Variants in FBXW10 observed in about 807,000 individuals in gnomAD.
FBXW10 encodes the protein F-box/WD repeat-containing protein 10.
FBXW10 carries 68 observed loss-of-function variants against 113.1 expected under a neutral mutation model. The ratio of observed to expected loss-of-function variants is 0.60; its 90% CI spans 0.49 to 0.74. FBXW10 has a LOEUF of 0.74. Among genes scored for constraint, FBXW10 ranks in the 30% least tolerant of loss-of-function variants. The pLI is 0.00. For synonymous variants in FBXW10, 289 were observed against 481.6 expected (o/e 0.60, Z 5.24); for missense variants, 753 against 1,284.5 (o/e 0.59, Z 6.32).
At chr17:18,777,612 T>C (rs2035726715) in intron 13 of FBXW10, among the ~76,000 whole-genome samples, 2 of 151,612 alleles carry the variant, frequency 1.3e-5, no homozygotes, top group South Asian at 2.1e-4. Flanking sequence ...GGCGCGATCT[T>C]GGCTTACTGC....
intron 7 of FBXW10, among the ~76,000 whole-genome samples, chr17:18,763,815 G>C (rs1228706498): frequency 1.3e-5 from 2 of 151,302 alleles, no homozygotes; most frequent in Non-Finnish European, 3.0e-5. Flanking sequence ...CTGTACCGTG[G>C]AATCAGTGCC....
Position 18,778,633 on chromosome 17 carries a change from G to T in FBXW10, c.2494G>T (p.Ala832Ser), listed in dbSNP as rs1383878895. ...GCACGCCCATAATTCCGGGGAATTT[G>T]CCTATCCCTGTAGGCCCCAAACAGA... ...LQHAHNSGEFAYPCRPQTEIT... is the reference protein window; with the variant it reads ...LQHAHNSGEFSYPCRPQTEIT... Residue 832 changes from alanine to serine, a missense_variant, in exon 14 of 14, where the codon GCC becomes TCC. Ala to Ser is a moderately conservative substitution (Grantham distance 99, BLOSUM62 1). Coordinates refer to ENST00000395665, the MANE Select transcript of FBXW10 (RefSeq NM_001267585.2). The T allele has an allele frequency of 6.2e-7, 1 of 1,613,830 alleles. No individual in the cohort carries two copies. The highest frequency in any genetic ancestry group is 8.5e-7 in the Non-Finnish European group (1 of 1,179,848).
intron 12 of FBXW10, among the ~76,000 whole-genome samples, chr17:18,773,620 A>G (rs1225046885): frequency 6.6e-6 from 1 of 152,190 alleles, no homozygotes; most frequent in African/African-American, 2.4e-5. Flanking sequence ...TATATTTGGC[A>G]TGTGAAATTG....
intron 13 of FBXW10, among the ~76,000 whole-genome samples, chr17:18,776,046 C>T (rs140625978): frequency 6.2e-4 from 94 of 151,018 alleles, no homozygotes; most frequent in African/African-American, 1.8e-3. Context: ...TGGCCGGGCG[C>T]GGTGGCTCAC....
chr17:18,744,525 T>C lies in FBXW10; in HGVS notation c.281T>C (p.Leu94Pro). Residue 94 changes from leucine to proline, a missense_variant, in exon 1 of 14, where the codon CTC becomes CCC. Physicochemically the swap from Leu to Pro is moderately conservative, Grantham distance 98. Transcript: ENST00000395665. Reference sequence around the variant, plus strand: ...ATCTATAACAGGTCCCGGATCAACCTCAGCAAGAAAGAGGGGAAAGTTGTG... The same window carrying C: ...ATCTATAACAGGTCCCGGATCAACCCCAGCAAGAAAGAGGGGAAAGTTGTG... ...DFIYNRSRIN[L>P]SKKEGKVVKS... is the part of the protein sequence containing the mutation. 2 of 1,613,922 alleles carry C rather than the reference T, an allele frequency of 1.2e-6. No homozygotes were observed. Among genetic ancestry groups the C allele is most frequent in the Non-Finnish European group, 1.7e-6 (2 of 1,179,874 alleles).
intron 13 of FBXW10, 74 bp downstream of exon 13, chr17:18,775,266 A>G: frequency 1.0e-6 from 1 of 965,010 alleles, no homozygotes. Context: ...TGGAAGCAAA[A>G]TCCACAGCAG....
At chr17:18,769,693 CT>C (rs770623649) in intron 10 of FBXW10, 5 of 491,086 alleles carry the variant, frequency 1.0e-5, no homozygotes, top group Non-Finnish European at 1.8e-5. Flanking sequence ...AGGAGAATCG[CT>C]TGTATCTGGT....
chr17:18,761,656 T>C (rs1051691594), intron 7 of FBXW10, among the ~76,000 whole-genome samples: 4 of 152,266 alleles, frequency 2.6e-5, no homozygotes, highest in African/African-American at 9.6e-5. Context: ...AACTAGACTT[T>C]ATTTGGGTTG....
chr17:18,751,164 G>T (rs572513399), intron 5 of FBXW10, 111 bp downstream of exon 5: 1 of 1,410,622 alleles, frequency 7.1e-7, no homozygotes, highest in Non-Finnish European at 9.7e-7. Context: ...ATCACGGCAG[G>T]TGACACTCCT....
At chr17:18,760,779 C>CA (rs71155352) in intron 7 of FBXW10, among the ~76,000 whole-genome samples, 33,817 of 134,476 alleles carry the variant, frequency 0.25, 3,459 homozygotes, top group Non-Finnish European at 0.33. Context: ...AACTCGGTCT[C>CA]AAAAAAAAAA....
rs1473672748 is a variant in FBXW10, at chr17:18,749,479, G to A, written c.671-243G>A. On this transcript the variant is annotated intron_variant, in intron 2 of 13. Transcript: ENST00000395665. ...GGAGAATGGCGTGAACCCGGGAGGC[G>A]GAGCTTGCAGTGAGCCGAGATCGCG... Among the ~76,000 whole-genome samples the A allele has an allele frequency of 4.6e-5, 7 of 152,152 alleles. No individual in the cohort carries two copies. The East Asian group carries it at 5.8e-4, about 13-fold the overall frequency.
chr17:18,757,518 A>C (rs2035289443), intron 6 of FBXW10, among the ~76,000 whole-genome samples: 1 of 152,238 alleles, frequency 6.6e-6, no homozygotes, highest in South Asian at 2.1e-4. Context: ...GTGGTGGCTC[A>C]TGCCTGTAAC....
chr17:18,749,455 G>A (rs1490530847), intron 2 of FBXW10, among the ~76,000 whole-genome samples: 2 of 152,174 alleles, frequency 1.3e-5, no homozygotes, highest in East Asian at 3.9e-4. Flanking sequence ...GCTGAGGCAG[G>A]AGAATGGCGT....
intron 4 of FBXW10, 28 bp downstream of exon 4, chr17:18,750,165 T>G: frequency 1.3e-6 from 2 of 1,585,804 alleles, no homozygotes; most frequent in Non-Finnish European, 1.7e-6. Flanking sequence ...GAAAGGGGAA[T>G]GTCTGAGACC....
At chr17:18,753,105 G>A (rs1356507031) in intron 5 of FBXW10, among the ~76,000 whole-genome samples, 1 of 152,126 alleles carries the variant, frequency 6.6e-6, no homozygotes, top group African/African-American at 2.4e-5. Context: ...TGCATTTCAA[G>A]GAAATCTCTT....
rs140472895 is a variant in FBXW10 at position 18,774,302 on chromosome 17, C to T, written c.2279-834C>T. ...GCAGGAAAACAGCTGCGCTATGTGACTCAGTTTCCAGGGTTTCACTTTTCC... is the reference window on the plus strand; with the variant it reads ...GCAGGAAAACAGCTGCGCTATGTGATTCAGTTTCCAGGGTTTCACTTTTCC... On this transcript the variant is annotated intron_variant, in intron 12 of 13. Coordinates refer to ENST00000395665, the MANE Select transcript of FBXW10 (RefSeq NM_001267585.2). Among the ~76,000 whole-genome samples the T allele has an allele frequency of 2.0e-5, 3 of 152,348 alleles. No homozygotes were observed. The East Asian group carries it at 5.8e-4, about 29-fold the overall frequency.
intron 5 of FBXW10, among the ~76,000 whole-genome samples, chr17:18,755,528 C>T (rs1368151599): frequency 1.3e-5 from 2 of 149,560 alleles, no homozygotes; most frequent in African/African-American, 5.0e-5. Context: ...TACACTCCAG[C>T]CTGGCGACAG....
chr17:18,778,866 C>T lies in FBXW10; in HGVS notation c.2727C>T (p.Pro909=), dbSNP rs765173017. ...LHSPRVQSTI[P]QPMIIRSRFS... ...GTCCTAGAGTCCAGTCCACCATACCCCAGCCCATGATTATCCGCTCCAGGT... is the reference window on the plus strand; with the variant it reads ...GTCCTAGAGTCCAGTCCACCATACCTCAGCCCATGATTATCCGCTCCAGGT... Residue 909 remains proline, a synonymous_variant, in exon 14 of 14, where the codon CCC becomes CCT. Coordinates refer to ENST00000395665, the MANE Select transcript of FBXW10 (RefSeq NM_001267585.2). 1 of 1,613,958 alleles carries T rather than the reference C, an allele frequency of 6.2e-7. No individual in the cohort carries two copies. Among genetic ancestry groups the T allele is most frequent in the Admixed American group, 1.7e-5 (1 of 60,000 alleles).
Position 18,750,012 on chromosome 17 carries a change from A to G in FBXW10, c.874A>G (p.Met292Val), listed in dbSNP as rs1312563982. ...TGGGTCCATCTTTTTTTTTCCAGGA[A>G]TGCTGGATAGACACACCCTGAACAA... ...PIHLSKYILR[M>V]LDRHTLNKCA... Residue 292 changes from methionine to valine, a missense_variant and splice_region_variant, in exon 4 of 14, where the codon ATG (methionine) becomes GTG (valine). Coordinates refer to ENST00000395665, the MANE Select transcript of FBXW10 (RefSeq NM_001267585.2). 4 of 1,613,810 alleles carry G rather than the reference A, an allele frequency of 2.5e-6. No homozygotes were observed. In the African/African-American group the frequency reaches 4.0e-5, roughly 16 times the overall value.
Sources: allele counts gnomAD v4.1 joint callset (sites outside exome capture counted in the v4.1 genomes callset), GRCh38; gene constraint gnomAD v4.1.1; transcripts MANE v1.5; gene names NCBI Gene and HGNC (gene_info 2026-07-23, HGNC 2026-07-21).